The following PPP4R2 variants were observed in gnomAD, a reference collection of about 807,000 sequenced individuals.
PPP4R2 encodes serine/threonine-protein phosphatase 4 regulatory subunit 2.
PPP4R2 carries 13 observed loss-of-function variants against 47.2 expected under a neutral mutation model. The ratio of observed to expected loss-of-function variants is 0.28; its 90% CI spans 0.18 to 0.44. PPP4R2 has a LOEUF of 0.44. PPP4R2 is among the 20% of genes least tolerant of loss of function. The pLI is 1.00. For synonymous variants in PPP4R2, 151 were observed against 163.3 expected, an observed-to-expected ratio of 0.92 and a Z score of 0.57; for missense variants, 421 against 491.2, an observed-to-expected ratio of 0.86 and a Z score of 1.35.
At chr3:73,064,762 C>T in intron 7 of PPP4R2, 90 bp from the exon 8 acceptor site, 1 of 1,153,032 alleles carries the variant, frequency 8.7e-7, no homozygotes, top group African/African-American at 1.5e-5. Flanking sequence ...CACTGAAATA[C>T]AATTTAAAAC....
At chr3:73,015,842 G>C in intron 2 of PPP4R2, 1 of 434,778 alleles carries the variant, frequency 2.3e-6, no homozygotes, top group South Asian at 1.6e-5. Context: ...GTTTCACCAT[G>C]TTAGCCAGGA....
intron 2 of PPP4R2, among the ~76,000 whole-genome samples, chr3:73,005,223 G>C (rs1227555189): frequency 6.6e-6 from 1 of 152,004 alleles, no homozygotes; most frequent in Non-Finnish European, 1.5e-5. Context: ...TTACAGGTGT[G>C]AGCCACTGCG....
At chr3:73,058,101 CTTAAAAATA>C (rs72166505) in intron 3 of PPP4R2, among the ~76,000 whole-genome samples, 58,315 of 151,460 alleles carry the variant, frequency 0.39, 11,547 homozygotes, top group African/African-American at 0.44. Context: ...GAGCTCAAAA[CTTAAAAATA>C]TTTATAAAAT....
intron 2 of PPP4R2, among the ~76,000 whole-genome samples, chr3:73,006,552 CG>C (rs1559546797): frequency 6.6e-6 from 1 of 152,144 alleles, no homozygotes; most frequent in Non-Finnish European, 1.5e-5. Flanking sequence ...TTTAAGAACA[CG>C]GCAGTTTGCA....
chr3:73,038,496 A>G (rs547488743), intron 2 of PPP4R2, among the ~76,000 whole-genome samples: 2 of 152,102 alleles, frequency 1.3e-5, no homozygotes, highest in East Asian at 1.9e-4. Flanking sequence ...CCCAGGTTCA[A>G]GCAATTCTCC....
intron 2 of PPP4R2, among the ~76,000 whole-genome samples, chr3:73,020,744 T>C (rs943030385): frequency 1.3e-5 from 2 of 150,912 alleles, no homozygotes; most frequent in Non-Finnish European, 3.0e-5. Context: ...CCCAGGCTGG[T>C]CTTGAGCTCT....
intron 2 of PPP4R2, among the ~76,000 whole-genome samples, chr3:73,025,368 A>G (rs1288838984): frequency 2.6e-5 from 4 of 152,132 alleles, no homozygotes; most frequent in African/African-American, 9.7e-5. Context: ...TTGTTCTATT[A>G]TTGTGAGACG....
intron 2 of PPP4R2, among the ~76,000 whole-genome samples, chr3:73,019,026 A>G (rs1201608537): frequency 6.6e-6 from 1 of 152,186 alleles, no homozygotes; most frequent in Non-Finnish European, 1.5e-5. Flanking sequence ...GAATAGAGAT[A>G]TGTACCATAT....
chr3:73,020,354 T>G (rs1018760506), intron 2 of PPP4R2, among the ~76,000 whole-genome samples: 3 of 152,092 alleles, frequency 2.0e-5, no homozygotes, highest in African/African-American at 7.2e-5. Flanking sequence ...ACGCCTGGCT[T>G]ATATTTTAAA....
rs201170532 is a variant in PPP4R2 at position 73,062,677 on chromosome 3, A to G, written c.420-996A>G. On this transcript the variant is annotated intron_variant, in intron 5 of 8. Coordinates refer to ENST00000356692, the MANE Select transcript of PPP4R2 (RefSeq NM_174907.4). The stretch of plus-strand genomic sequence containing the variant: ...ATAGGCATTGCGGCTGGATCAAGTG[A>G]TAAGATTTGCACCAGCAGTCTCCAA... 1,728 of 1,613,868 alleles carry G rather than the reference A, an allele frequency of 1.1e-3. 2 individuals carry two copies. The highest frequency in any genetic ancestry group is 1.3e-3 in the Admixed American group (80 of 59,988).
chr3:73,026,616 G>A (rs1174052097), intron 2 of PPP4R2, among the ~76,000 whole-genome samples: 3 of 152,022 alleles, frequency 2.0e-5, no homozygotes, highest in East Asian at 3.8e-4. Context: ...TATACAGCCC[G>A]CAGGCTGCAT....
intron 2 of PPP4R2, among the ~76,000 whole-genome samples, chr3:73,005,999 C>G (rs1701602378): frequency 6.6e-6 from 1 of 152,004 alleles, no homozygotes; most frequent in Non-Finnish European, 1.5e-5. Context: ...TGCTCATGCC[C>G]CATTGTAATC....
intron 3 of PPP4R2, among the ~76,000 whole-genome samples, chr3:73,048,270 T>C (rs1702529634): frequency 6.6e-6 from 1 of 152,028 alleles, no homozygotes. Context: ...TTTGTTTTGT[T>C]TTGAGACAGA....
At chr3:73,011,511 T>C (rs1469949646) in intron 2 of PPP4R2, among the ~76,000 whole-genome samples, 1 of 151,996 alleles carries the variant, frequency 6.6e-6, no homozygotes, top group Non-Finnish European at 1.5e-5. Context: ...CTTTTTGCTT[T>C]TGTTAGGACT....
At chr3:73,051,786 C>T (rs1191886941) in intron 3 of PPP4R2, among the ~76,000 whole-genome samples, 3 of 152,170 alleles carry the variant, frequency 2.0e-5, no homozygotes, top group East Asian at 1.9e-4. Flanking sequence ...CCACCACGCC[C>T]GGCTAATTTT....
chr3:73,009,239 G>A (rs1030673597), intron 2 of PPP4R2, among the ~76,000 whole-genome samples: 16 of 152,140 alleles, frequency 1.1e-4, no homozygotes, highest in African/African-American at 3.6e-4. Context: ...TAGCAGTAGC[G>A]ACTACGAGTG....
At chr3:73,008,621 C>T (rs577633371) in intron 2 of PPP4R2, among the ~76,000 whole-genome samples, 1 of 152,164 alleles carries the variant, frequency 6.6e-6, no homozygotes, top group East Asian at 1.9e-4. Context: ...AGACTTTGGA[C>T]AAATTATTTG....
At chr3:73,019,483 C>T (rs746261277) in intron 2 of PPP4R2, among the ~76,000 whole-genome samples, 7 of 152,152 alleles carry the variant, frequency 4.6e-5, no homozygotes, top group Non-Finnish European at 8.8e-5. Flanking sequence ...AAGTGATTCT[C>T]CTGCCTCAGC....
At chr3:73,047,739 C>G (rs1274740910) in intron 3 of PPP4R2, among the ~76,000 whole-genome samples, 1 of 152,054 alleles carries the variant, frequency 6.6e-6, no homozygotes. Context: ...TTTGTTTAGA[C>G]TTTTTTTGGA....
Sources: allele counts gnomAD v4.1 joint callset (sites outside exome capture counted in the v4.1 genomes callset), GRCh38; gene constraint gnomAD v4.1.1; transcripts MANE v1.5; gene names NCBI Gene and HGNC (gene_info 2026-07-23, HGNC 2026-07-21).